The following EHD4 variants were observed in gnomAD, a reference collection of about 807,000 sequenced individuals.
EHD4 encodes EH domain-containing protein 4.
A neutral mutation model predicts 51.0 loss-of-function variants in EHD4; 37 were observed. That is an observed-to-expected ratio of 0.73 (90% confidence interval 0.56 to 0.95). The LOEUF (loss-of-function observed/expected upper bound fraction) is 0.95. Ranked by LOEUF, EHD4 falls within the 40% of genes least tolerant of loss-of-function variation. The pLI is 0.00. For synonymous variants in EHD4, 297 were observed against 317.3 expected, an observed-to-expected ratio of 0.94 and a Z score of 0.68; for missense variants, 632 against 733.1, an observed-to-expected ratio of 0.86 and a Z score of 1.59.
At chr15:41,952,584 G>A (rs1455227644) in intron 2 of EHD4, among the ~76,000 whole-genome samples, 1 of 152,174 alleles carries the variant, frequency 6.6e-6, no homozygotes, top group Non-Finnish European at 1.5e-5. Context: ...CAGGCCAGCA[G>A]CCCTCAGTTC....
chr15:41,936,142 G>GT (rs1326265463), intron 3 of EHD4, among the ~76,000 whole-genome samples: 2 of 152,212 alleles, frequency 1.3e-5, no homozygotes, highest in Admixed American at 1.3e-4. Context: ...AAATCATGAA[G>GT]TATCACTTTT....
At chr15:41,909,015 A>G (rs1164566113) in intron 5 of EHD4, among the ~76,000 whole-genome samples, 1 of 152,250 alleles carries the variant, frequency 6.6e-6, no homozygotes, top group Non-Finnish European at 1.5e-5. Flanking sequence ...CTGTCAGCCC[A>G]GAAGCCAGAT....
At chr15:41,909,562 T>G in intron 5 of EHD4, 137 bp downstream of exon 5, 1 of 1,036,138 alleles carries the variant, frequency 9.7e-7, no homozygotes, top group Non-Finnish European at 1.4e-6. Flanking sequence ...TAGCCTATTA[T>G]CATGGATCAC....
chr15:41,921,182 T>C (rs2067622807), intron 3 of EHD4, among the ~76,000 whole-genome samples: 1 of 152,170 alleles, frequency 6.6e-6, no homozygotes, highest in South Asian at 2.1e-4. Flanking sequence ...CAGGCCGCTG[T>C]CCTGAGTGTG....
In EHD4 at chr15:41,898,099, G is replaced by A; in HGVS notation, c.*2546C>T. ...TTCCAGTCAACTTTTCTTGATGAATGACTGCATGTAAGAGGATATTAAGAA... is the reference window on the plus strand; with the variant it reads ...TTCCAGTCAACTTTTCTTGATGAATAACTGCATGTAAGAGGATATTAAGAA... On this transcript the variant is annotated 3_prime_UTR_variant, in exon 6 of 6. Transcript: ENST00000220325. The A allele has an allele frequency of 6.6e-6, 1 of 152,224 alleles. No individual in the cohort carries two copies. Among genetic ancestry groups the A allele is most frequent in the East Asian group, 1.9e-4 (1 of 5,198 alleles). 9.4% of individuals were successfully genotyped at this position (152,224 alleles called of 1,614,324 possible).
At chr15:41,923,404 C>T (rs904264268) in intron 3 of EHD4, among the ~76,000 whole-genome samples, 5 of 152,188 alleles carry the variant, frequency 3.3e-5, no homozygotes, top group African/African-American at 4.8e-5. Context: ...AAAATCCCAG[C>T]GGATCTAACT....
intron 4 of EHD4, among the ~76,000 whole-genome samples, chr15:41,918,788 C>G (rs926002696): frequency 6.6e-6 from 1 of 152,244 alleles, no homozygotes; most frequent in East Asian, 1.9e-4. Context: ...AGTGGCCTCT[C>G]AGCATCCTGT....
intron 1 of EHD4, 50 bp downstream of exon 1, chr15:41,972,209 G>A (rs762795018): frequency 2.1e-6 from 3 of 1,440,756 alleles, no homozygotes; most frequent in South Asian, 1.5e-5. Flanking sequence ...CGGCGCACAC[G>A]TGGGGAGGGC....
intron 1 of EHD4, among the ~76,000 whole-genome samples, chr15:41,956,346 G>A (rs2067887868): frequency 6.6e-6 from 1 of 152,202 alleles, no homozygotes; most frequent in Admixed American, 6.5e-5. Context: ...TTCCGGGCCA[G>A]GGAGGTGAGC....
chr15:41,967,335 C>T (rs2067967763), intron 1 of EHD4, among the ~76,000 whole-genome samples: 1 of 152,196 alleles, frequency 6.6e-6, no homozygotes, highest in African/African-American at 2.4e-5. Context: ...CCCTGTGTTT[C>T]TAGTGTTACA....
intron 3 of EHD4, among the ~76,000 whole-genome samples, chr15:41,933,843 G>A (rs1017885595): frequency 5.3e-5 from 8 of 152,062 alleles, no homozygotes; most frequent in African/African-American, 9.7e-5. Context: ...TAGGCTAGGC[G>A]GGGGTGCTCC....
At position 41,972,179 on chromosome 15, in the gene EHD4, C is replaced by A. The variant is rs1017018419; in HGVS notation, c.236+80G>T. On this transcript the variant is annotated intron_variant, in intron 1 of 5. Transcript: ENST00000220325. ...AGGTCGCGCCGGCCGGGAGGGGCAG[C>A]GGCGGGAGGCGGCCGACTGCGGCGC... The A allele has an allele frequency of 4.0e-6, 5 of 1,248,178 alleles. No homozygotes were observed. In the South Asian group the frequency reaches 1.0e-4, roughly 25 times the overall value. 77.3% of individuals were successfully genotyped at this position (1,248,178 alleles called of 1,614,324 possible).
intron 3 of EHD4, among the ~76,000 whole-genome samples, chr15:41,937,599 G>A (rs1438485813): frequency 6.6e-6 from 1 of 152,194 alleles, no homozygotes; most frequent in Non-Finnish European, 1.5e-5. Context: ...TTGCATATGT[G>A]TGTGTTTTCC....
chr15:41,968,418 G>A (rs1310494462), intron 1 of EHD4, among the ~76,000 whole-genome samples: 1 of 150,954 alleles, frequency 6.6e-6, no homozygotes, highest in East Asian at 1.9e-4. Flanking sequence ...ATTGTGGGAT[G>A]GCTACTTTCA....
At chr15:41,948,030 G>A (rs901700715) in intron 2 of EHD4, among the ~76,000 whole-genome samples, 1 of 152,150 alleles carries the variant, frequency 6.6e-6, no homozygotes, top group Admixed American at 6.5e-5. Flanking sequence ...GCCAAGGCAG[G>A]TGGATCACGA....
At chr15:41,957,229 C>T (rs1341919805) in intron 1 of EHD4, among the ~76,000 whole-genome samples, 3 of 152,104 alleles carry the variant, frequency 2.0e-5, no homozygotes, top group Non-Finnish European at 2.9e-5. Flanking sequence ...ACTTAAGAGG[C>T]TGGGGTGGGA....
rs202148169 is a variant in EHD4, at chr15:41,919,279, G to A, written c.855C>T (p.Ile285=). 1.2e-6 allele frequency: 2 copies of A among 1,614,168 alleles called. No individual in the cohort carries two copies. Among genetic ancestry groups the A allele is most frequent in the African/African-American group, 2.7e-5 (2 of 75,062 alleles). The change falls in exon 4 of 6, where the codon ATC becomes ATT. Residue 285 remains isoleucine (I), a synonymous_variant. Transcript: ENST00000220325. ...CCGCTGCCTTCTGGGGGAGGCTCTG[G>A]ATGTCTCTAAAGAGGTCCTGGGCCT... ...EAEAQDLFRD[I]QSLPQKAAVR... is the part of the protein sequence containing the mutation.
intron 1 of EHD4, among the ~76,000 whole-genome samples, chr15:41,968,194 C>T (rs1205289817): frequency 1.3e-5 from 2 of 152,192 alleles, no homozygotes; most frequent in Non-Finnish European, 2.9e-5. Flanking sequence ...ATCCTTCATA[C>T]CGCCCATAAA....
intron 4 of EHD4, among the ~76,000 whole-genome samples, chr15:41,912,618 C>T (rs1001314307): frequency 2.0e-5 from 3 of 152,110 alleles, no homozygotes; most frequent in African/African-American, 7.2e-5. Flanking sequence ...TAGCTTGAAC[C>T]CGGGAGGCAG....
Sources: allele counts gnomAD v4.1 joint callset (sites outside exome capture counted in the v4.1 genomes callset), GRCh38; gene constraint gnomAD v4.1.1; transcripts MANE v1.5; gene names NCBI Gene and HGNC (gene_info 2026-07-23, HGNC 2026-07-21).